The following LPAR1 variants were observed in gnomAD, a reference collection of about 807,000 sequenced individuals.
LPAR1 encodes the protein LPA receptor 1.
In LPAR1, 5 loss-of-function variants were observed where a neutral mutation model predicts 23.8. The observed-to-expected ratio is 0.21, with a 90% CI of 0.11 to 0.44. The LOEUF (loss-of-function observed/expected upper bound fraction) is 0.44, where lower values mean the gene tolerates loss of function less well. Among genes scored for constraint, LPAR1 ranks in the 20% least tolerant of loss-of-function variants. LPAR1 has a pLI of 0.99. For synonymous variants in LPAR1, 160 were observed against 164.7 expected (o/e 0.97, Z 0.22); for missense variants, 311 against 482.8 (o/e 0.64, Z 3.33).
intron 5 of LPAR1, among the ~76,000 whole-genome samples, chr9:110,908,781 T>A (rs2091875629): frequency 1.3e-5 from 2 of 152,148 alleles, no homozygotes; most frequent in Admixed American, 6.6e-5. Flanking sequence ...GAAGAACTGG[T>A]CTGGTCACAT....
chr9:110,948,267 TAG>T (rs1224989535), intron 4 of LPAR1, among the ~76,000 whole-genome samples: 2 of 152,174 alleles, frequency 1.3e-5, no homozygotes, highest in Non-Finnish European at 2.9e-5. Flanking sequence ...TCACCCTTCT[TAG>T]AGCTTCAAAT....
intron 4 of LPAR1, among the ~76,000 whole-genome samples, chr9:110,959,750 C>T (rs550727617): frequency 3.9e-5 from 6 of 152,206 alleles, no homozygotes; most frequent in East Asian, 1.9e-4. Flanking sequence ...AACCTAAATG[C>T]CTACCAATTA....
intron 5 of LPAR1, among the ~76,000 whole-genome samples, chr9:110,907,424 A>G (rs890308604): frequency 3.3e-5 from 5 of 152,178 alleles, no homozygotes; most frequent in African/African-American, 9.7e-5. Flanking sequence ...AATAAACTAT[A>G]AGAATAAAGA....
At chr9:110,968,654 G>A (rs940089979) in intron 4 of LPAR1, among the ~76,000 whole-genome samples, 13 of 152,218 alleles carry the variant, frequency 8.5e-5, no homozygotes, top group South Asian at 2.1e-4. Flanking sequence ...GTGACAAAGC[G>A]TTGTAACTTT....
chr9:110,995,402 G>A (rs1284062457), intron 2 of LPAR1, among the ~76,000 whole-genome samples: 1 of 152,056 alleles, frequency 6.6e-6, no homozygotes, highest in Non-Finnish European at 1.5e-5. Flanking sequence ...AAGACCTGTG[G>A]AATACAATCC....
chr9:110,890,105 GAAGAA>G (rs2083627667), intron 5 of LPAR1, among the ~76,000 whole-genome samples: 1 of 152,056 alleles, frequency 6.6e-6, no homozygotes, highest in Non-Finnish European at 1.5e-5. Context: ...AACAGATTAC[GAAGAA>G]GAGATAACCA....
chr9:110,884,327 C>A (rs191558676), intron 5 of LPAR1, among the ~76,000 whole-genome samples: 1 of 152,100 alleles, frequency 6.6e-6, no homozygotes, highest in Non-Finnish European at 1.5e-5. Context: ...GGATGCCTTC[C>A]CTGATTAAGT....
At chr9:110,949,640 A>G (rs968029586) in intron 4 of LPAR1, among the ~76,000 whole-genome samples, 1 of 152,218 alleles carries the variant, frequency 6.6e-6, no homozygotes, top group Admixed American at 6.5e-5. Context: ...CCCCATAAGA[A>G]GCCAGTAGAA....
intron 2 of LPAR1, among the ~76,000 whole-genome samples, chr9:110,999,830 A>T (rs1226244684): frequency 6.6e-6 from 1 of 151,978 alleles, no homozygotes; most frequent in African/African-American, 2.4e-5. Flanking sequence ...TAAGCCTCCC[A>T]AGAAGCTGAA....
In LPAR1 at chr9:110,936,598, G is replaced by A. The variant is rs149500564; in HGVS notation, c.793+4823C>T. 2.4e-4 allele frequency among the ~76,000 whole-genome samples: 36 copies of A among 152,290 alleles called. No individual in the cohort carries two copies. The East Asian group carries it at 2.7e-3, about 11-fold the overall frequency. ...TAAACAACACAGGAAGAGTAGGGCC[G>A]CATACTGACCCTAGTACAGAGAATG... On this transcript the variant is annotated intron_variant, in intron 5 of 5. Coordinates refer to ENST00000683809, the MANE Select transcript of LPAR1 (RefSeq NM_001351411.2).
At position 111,008,269 on chromosome 9, in the gene LPAR1, C is replaced by G. The variant is rs74457073; in HGVS notation, c.-182+27853G>C. Among the ~76,000 whole-genome samples, 1,180 of 152,152 alleles carry G rather than the reference C, an allele frequency of 7.8e-3. 16 individuals are homozygous for G. Among genetic ancestry groups the G allele is most frequent in the African/African-American group, 0.027 (1,107 of 41,520 alleles). On this transcript the variant is annotated intron_variant, in intron 2 of 5. Transcript: ENST00000683809. ...ACTATAGACGTCTTTTCCCAGAATA[C>G]TAAGAGCAAAATACAGTGAAAACTC...
rs146127373 is a variant in LPAR1, at chr9:110,926,897, G to A, written c.793+14524C>T. Reference sequence around the variant, plus strand: ...ATGCCATGTAATTTAAACCAAAGCCGGCAACTCCTCACACGGTCATTGTTG... The same window carrying A: ...ATGCCATGTAATTTAAACCAAAGCCAGCAACTCCTCACACGGTCATTGTTG... On this transcript the variant is annotated intron_variant, in intron 5 of 5. Transcript: ENST00000683809. Among the ~76,000 whole-genome samples the A allele has an allele frequency of 2.0e-4, 30 of 152,286 alleles. No individual in the cohort carries two copies. The East Asian group carries it at 5.2e-3, about 26-fold the overall frequency.
At chr9:111,022,969 C>T (rs1004445469) in intron 2 of LPAR1, among the ~76,000 whole-genome samples, 8 of 144,752 alleles carry the variant, frequency 5.5e-5, no homozygotes, top group Non-Finnish European at 7.5e-5. Context: ...AGGAGAATGG[C>T]GTGCCCGGCA....
chr9:110,971,421 G>A (rs2096415253), intron 4 of LPAR1, among the ~76,000 whole-genome samples: 1 of 152,260 alleles, frequency 6.6e-6, no homozygotes, highest in African/African-American at 2.4e-5. Context: ...TGACTCCAAA[G>A]TCTGTTTCCA....
intron 4 of LPAR1, among the ~76,000 whole-genome samples, chr9:110,965,735 C>A (rs188102137): frequency 6.6e-6 from 1 of 152,160 alleles, no homozygotes; most frequent in Non-Finnish European, 1.5e-5. Flanking sequence ...GGATGTAGAA[C>A]CAGAAATACC....
intron 1 of LPAR1, among the ~76,000 whole-genome samples, chr9:111,036,761 C>A (rs1449055095): frequency 6.6e-6 from 1 of 152,148 alleles, no homozygotes; most frequent in Non-Finnish European, 1.5e-5. Flanking sequence ...CCTTCTCTTG[C>A]CACTTGGTGT....
chr9:110,878,275 C>G (rs867475482), intron 5 of LPAR1, among the ~76,000 whole-genome samples: 5 of 152,084 alleles, frequency 3.3e-5, no homozygotes, highest in African/African-American at 1.2e-4. Context: ...TCTGCGCCCC[C>G]CTCCCCCTCC....
At chr9:110,927,584 A>T (rs1452243823) in intron 5 of LPAR1, among the ~76,000 whole-genome samples, 1 of 152,156 alleles carries the variant, frequency 6.6e-6, no homozygotes, top group East Asian at 1.9e-4. Context: ...AAAATTGAAA[A>T]CAAAACTGAA....
At chr9:110,969,760 A>G (rs947742421) in intron 4 of LPAR1, among the ~76,000 whole-genome samples, 4 of 152,156 alleles carry the variant, frequency 2.6e-5, no homozygotes, top group African/African-American at 7.2e-5. Flanking sequence ...TATTTCAATC[A>G]TGTCCACATT....
Sources: allele counts gnomAD v4.1 joint callset (sites outside exome capture counted in the v4.1 genomes callset), GRCh38; gene constraint gnomAD v4.1.1; transcripts MANE v1.5; gene names NCBI Gene and HGNC (gene_info 2026-07-23, HGNC 2026-07-21).